The following GTPBP10 variants were observed in gnomAD, a reference collection of about 807,000 sequenced individuals.
The protein encoded by GTPBP10 is GTP binding protein 10.
Under a neutral mutation model 44.8 loss-of-function variants are expected in GTPBP10, and 38 were observed. The observed-to-expected ratio is 0.85, with a 90% CI of 0.65 to 1.11. The LOEUF (loss-of-function observed/expected upper bound fraction) is 1.11, where lower values mean the gene tolerates loss of function less well. Ranked by LOEUF, GTPBP10 falls within the 50% of genes most tolerant of loss-of-function variation. GTPBP10 has a pLI of 0.00. For synonymous variants in GTPBP10, 152 were observed against 150.6 expected (o/e 1.01, Z -0.07); for missense variants, 462 against 453.7 (o/e 1.02, Z -0.17).
At chr7:90,354,433 C>CATAT in intron 2 of GTPBP10, 25 bp from the exon 3 acceptor site, 1 of 1,238,508 alleles carries the variant, frequency 8.1e-7, no homozygotes, top group Non-Finnish European at 1.1e-6. Context: ...CACATACATA[C>CATAT]ATATATATAC....
intron 4 of GTPBP10, among the ~76,000 whole-genome samples, chr7:90,357,942 C>G (rs370931779): frequency 6.6e-6 from 1 of 151,968 alleles, no homozygotes; most frequent in East Asian, 1.9e-4. Flanking sequence ...TTAGCCAGAA[C>G]AATCAGGCAA....
intron 6 of GTPBP10, among the ~76,000 whole-genome samples, chr7:90,376,151 C>G (rs1440747196): frequency 1.3e-5 from 2 of 149,316 alleles, no homozygotes; most frequent in African/African-American, 2.6e-5. Flanking sequence ...GGGAGAATGG[C>G]GTGAACCTGG....
chr7:90,384,826 T>C, intron 9 of GTPBP10, 66 bp from the exon 10 acceptor site: 3 of 1,487,476 alleles, frequency 2.0e-6, no homozygotes, highest in Non-Finnish European at 2.7e-6. Flanking sequence ...AATCAAACCA[T>C]TAACATGGTT....
At position 90,385,297 on chromosome 7, in the gene GTPBP10, C is replaced by A; in HGVS notation, c.*143C>A. 1 of 600,978 alleles carries A rather than the reference C, an allele frequency of 1.7e-6. No individual in the cohort carries two copies. Among genetic ancestry groups the A allele is most frequent in the Non-Finnish European group, 2.8e-6 (1 of 358,398 alleles). The allele number at this position is 600,978 out of a possible 1,614,324, so 37.2% of individuals were successfully genotyped here. A position where few individuals can be genotyped will look rare whatever the true frequency, so the allele number is the denominator to read the frequency against. On this transcript the variant is annotated 3_prime_UTR_variant, in exon 10 of 10. Coordinates refer to ENST00000222511, the MANE Select transcript of GTPBP10 (RefSeq NM_033107.4). ...ATGCTGCATAATCTCACTGTGGAAT[C>A]TTAAGTTGAACTCATAGAAGGAGAG...
At chr7:90,371,008 T>C (rs1796246709) in intron 4 of GTPBP10, among the ~76,000 whole-genome samples, 1 of 82,992 alleles carries the variant, frequency 1.2e-5, no homozygotes, top group Admixed American at 1.5e-4. Context: ...TCCATCTCAA[T>C]AGATAAATAA....
intron 4 of GTPBP10, among the ~76,000 whole-genome samples, chr7:90,368,289 G>A (rs915902411): frequency 6.6e-6 from 1 of 152,098 alleles, no homozygotes; most frequent in Admixed American, 6.5e-5. Context: ...GAGTATCTTT[G>A]TGGTGTTCTC....
At chr7:90,364,880 G>A (rs577644182) in intron 4 of GTPBP10, among the ~76,000 whole-genome samples, 107 of 152,284 alleles carry the variant, frequency 7.0e-4, no homozygotes, top group African/African-American at 2.5e-3. Flanking sequence ...ATCTCAGACT[G>A]CTGTGCTAGC....
intron 6 of GTPBP10, among the ~76,000 whole-genome samples, chr7:90,377,276 C>T (rs11563895): frequency 0.028 from 4,308 of 152,028 alleles, 79 homozygotes; most frequent in African/African-American, 0.045. Context: ...CTGTAAAATT[C>T]CTAGATTATT....
At chr7:90,355,894 T>C (rs1795889300) in intron 4 of GTPBP10, among the ~76,000 whole-genome samples, 1 of 152,146 alleles carries the variant, frequency 6.6e-6, no homozygotes, top group Non-Finnish European at 1.5e-5. Context: ...AGGGGATAGA[T>C]AGTAAGATAC....
chr7:90,373,650 A>G (rs1015071694), intron 5 of GTPBP10, among the ~76,000 whole-genome samples: 2 of 151,976 alleles, frequency 1.3e-5, no homozygotes, highest in African/African-American at 4.8e-5. Flanking sequence ...AATGAGAAGG[A>G]ACTAGAGGAT....
intron 2 of GTPBP10, among the ~76,000 whole-genome samples, chr7:90,354,028 C>G (rs145765698): frequency 2.6e-5 from 4 of 151,782 alleles, no homozygotes; most frequent in Non-Finnish European, 5.9e-5. Flanking sequence ...GAAATGGGGT[C>G]GTGCTATGGT....
intron 2 of GTPBP10, among the ~76,000 whole-genome samples, chr7:90,353,983 T>G (rs901333875): frequency 1.3e-5 from 2 of 152,016 alleles, no homozygotes; most frequent in African/African-American, 4.8e-5. Flanking sequence ...TGTGCCACCA[T>G]GCCCAGCTAA....
intron 4 of GTPBP10, among the ~76,000 whole-genome samples, chr7:90,358,627 A>G (rs1302132343): frequency 2.0e-5 from 3 of 152,230 alleles, no homozygotes; most frequent in African/African-American, 7.2e-5. Context: ...GATAGATTAA[A>G]GATTTTAATC....
In GTPBP10 at chr7:90,384,861, A is replaced by C. The variant is rs559724937; in HGVS notation, c.902-31A>C. 8 of 1,560,806 alleles carry C rather than the reference A, an allele frequency of 5.1e-6. No individual in the cohort carries two copies. The East Asian group carries it at 1.8e-4, about 36-fold the overall frequency. On this transcript the variant is annotated intron_variant, in intron 9 of 9. Transcript: ENST00000222511. ...TTTAACTAACTTTCGAAAACAATGGAAATCAGCTTTGTTTGTGCTCTTTCT... is the reference window on the plus strand; with the variant it reads ...TTTAACTAACTTTCGAAAACAATGGCAATCAGCTTTGTTTGTGCTCTTTCT...
intron 4 of GTPBP10, among the ~76,000 whole-genome samples, chr7:90,357,445 T>G (rs1235826502): frequency 6.6e-6 from 1 of 152,156 alleles, no homozygotes; most frequent in Admixed American, 6.5e-5. Flanking sequence ...AACAAGTCAT[T>G]AAGAAACCTC....
At position 90,384,908 on chromosome 7, in the gene GTPBP10, T is replaced by G; in HGVS notation, c.918T>G (p.Phe306Leu). The G allele has an allele frequency of 6.3e-7, 1 of 1,586,944 alleles. No homozygotes were observed. Among genetic ancestry groups the G allele is most frequent in the Non-Finnish European group, 8.6e-7 (1 of 1,169,228 alleles). The change falls in exon 10 of 10, where the codon TTT becomes TTG. Residue 306 changes from phenylalanine (F) to leucine (L), a missense_variant. Phe to Leu is a conservative substitution (Grantham distance 22). Coordinates refer to ENST00000222511, the MANE Select transcript of GTPBP10 (RefSeq NM_033107.4). ...TTCTTTTAGATTTTCTGCATTTATT[T>G]GAAAAAAACATGATTCCAGAGAGGA... ...LQNPKDFLHL[F>L]EKNMIPERTV...
intron 1 of GTPBP10, chr7:90,347,725 A>G (rs1259574844): frequency 6.5e-6 from 1 of 152,938 alleles, no homozygotes; most frequent in Non-Finnish European, 1.5e-5. Flanking sequence ...ATATAATCAA[A>G]TTGCTGGGAG....
At position 90,346,733 on chromosome 7, in the gene GTPBP10, G is replaced by T; in HGVS notation, c.-9G>T. ...CTTCCGCAAGAAGGTTTCCTGGCCTGTTGCAGCCATGGTGCATTGCAGTTG... is the reference window on the plus strand; with the variant it reads ...CTTCCGCAAGAAGGTTTCCTGGCCTTTTGCAGCCATGGTGCATTGCAGTTG... On this transcript the variant is annotated 5_prime_UTR_variant, in exon 1 of 10. Coordinates refer to ENST00000222511, the MANE Select transcript of GTPBP10 (RefSeq NM_033107.4). 6.2e-7 allele frequency: 1 copy of T among 1,614,254 alleles called. No homozygotes were observed. The highest frequency in any genetic ancestry group is 8.5e-7 in the Non-Finnish European group (1 of 1,180,042).
In GTPBP10 at chr7:90,386,973, C is replaced by T. The variant is rs1181122709; in HGVS notation, c.*1819C>T. On this transcript the variant is annotated 3_prime_UTR_variant, in exon 10 of 10. Coordinates refer to ENST00000222511, the MANE Select transcript of GTPBP10 (RefSeq NM_033107.4). Reference sequence around the variant, plus strand: ...GAAATTTTTTATGTATAAATTTTTACCCAAATGAATTCATTATATAAATTT... The same window carrying T: ...GAAATTTTTTATGTATAAATTTTTATCCAAATGAATTCATTATATAAATTT... 1 of 152,078 alleles carries T rather than the reference C, an allele frequency of 6.6e-6. No homozygotes were observed. The highest frequency in any genetic ancestry group is 2.4e-5 in the African/African-American group (1 of 41,416). 9.4% of individuals were successfully genotyped at this position (152,078 alleles called of 1,614,324 possible).
Sources: gnomAD v4.1 joint callset for allele counts (sites outside exome capture counted in the v4.1 genomes callset) on GRCh38, gnomAD v4.1.1 for gene constraint, MANE v1.5 for transcripts, NCBI Gene and HGNC (gene_info 2026-07-23, HGNC 2026-07-21) for gene names.